Variants in EREG observed in about 807,000 individuals in gnomAD.
The protein encoded by EREG is epiregulin.
EREG carries 23 observed loss-of-function variants against 22.4 expected under a neutral mutation model. The observed-to-expected ratio is 1.03, with a 90% confidence interval of 0.74 to 1.46. The LOEUF is 1.46. Among genes scored for constraint, EREG ranks in the 40% most tolerant of loss-of-function variants. EREG has a pLI of 0.00. For synonymous variants in EREG, 100 were observed against 75.4 expected, an observed-to-expected ratio of 1.33 and a Z score of -1.69; for missense variants, 226 against 205.9, an observed-to-expected ratio of 1.10 and a Z score of -0.60.
At chr4:74,366,433 C>T (rs1752185684) in intron 1 of EREG, among the ~76,000 whole-genome samples, 1 of 152,110 alleles carries the variant, frequency 6.6e-6, no homozygotes, top group Admixed American at 6.5e-5. Flanking sequence ...TTGAAACTTA[C>T]AAGTCTAAGT....
intron 2 of EREG, 136 bp downstream of exon 2, chr4:74,379,670 A>G (rs1294343426): frequency 5.6e-6 from 3 of 534,232 alleles, no homozygotes; most frequent in Non-Finnish European, 1.0e-5. Flanking sequence ...TTAAATCACC[A>G]TATAAACTAA....
At chr4:74,367,574 A>G (rs868770073) in intron 1 of EREG, among the ~76,000 whole-genome samples, 8 of 152,208 alleles carry the variant, frequency 5.3e-5, no homozygotes, top group African/African-American at 1.9e-4. Flanking sequence ...CATCTCCAAG[A>G]TAATTTAGTC....
At chr4:74,371,286 T>G (rs1752285874) in intron 1 of EREG, among the ~76,000 whole-genome samples, 2 of 152,188 alleles carry the variant, frequency 1.3e-5, no homozygotes, top group Non-Finnish European at 1.5e-5. Flanking sequence ...TTAATTTTAA[T>G]GATAATCTGG....
At position 74,387,345 on chromosome 4, in the gene EREG, C is replaced by T. The variant is rs1306025340; in HGVS notation, c.*2537C>T. The T allele has an allele frequency of 1.3e-5, 2 of 151,914 alleles. No homozygotes were observed. The highest frequency in any genetic ancestry group is 2.4e-5 in the African/African-American group (1 of 41,354). 9.4% of individuals were successfully genotyped at this position (151,914 alleles called of 1,614,324 possible). On this transcript the variant is annotated 3_prime_UTR_variant, in exon 5 of 5. Coordinates refer to ENST00000244869, the MANE Select transcript of EREG (RefSeq NM_001432.3). ...TGGCTGTTTCAAAAAAATCTATTGA[C>T]TTTTCAATAAATCAGCTGCAATCCA...
intron 4 of EREG, 83 bp from the exon 5 acceptor site, chr4:74,384,644 G>A (rs1357601258): frequency 1.9e-5 from 13 of 667,990 alleles, no homozygotes; most frequent in Non-Finnish European, 3.2e-5. Context: ...CTATGCTAAT[G>A]TGCCTTTGGA....
chr4:74,374,564 G>T (rs1461683840), intron 1 of EREG, among the ~76,000 whole-genome samples: 1 of 152,128 alleles, frequency 6.6e-6, no homozygotes, highest in Non-Finnish European at 1.5e-5. Context: ...TAAAAATGAA[G>T]CAAGGTCAAA....
chr4:74,381,317 C>G (rs1478326057), intron 3 of EREG, 180 bp downstream of exon 3: 9 of 530,884 alleles, frequency 1.7e-5, no homozygotes, highest in South Asian at 1.0e-4. Context: ...CTTAACCCCC[C>G]CAAAACTCTT....
At chr4:74,381,311 A>C (rs1560599595) in intron 3 of EREG, 174 bp downstream of exon 3, 3 of 535,986 alleles carry the variant, frequency 5.6e-6, no homozygotes, top group South Asian at 2.5e-5. Context: ...TCATCCCTTA[A>C]CCCCCCCAAA....
intron 1 of EREG, among the ~76,000 whole-genome samples, chr4:74,375,977 T>C (rs1471068435): frequency 6.6e-6 from 1 of 152,222 alleles, no homozygotes; most frequent in Admixed American, 6.5e-5. Context: ...TCCTGAGCGA[T>C]GGACTGTGTC....
chr4:74,365,202 CT>C lies in EREG; in HGVS notation c.-106del. 5 of 838,914 alleles carry C rather than the reference CT, an allele frequency of 6.0e-6. No homozygotes were observed. In the South Asian group the frequency reaches 7.4e-5, roughly 12 times the overall value. 52.0% of individuals were successfully genotyped at this position (838,914 alleles called of 1,614,324 possible). On this transcript the variant is annotated 5_prime_UTR_variant, in exon 1 of 5. Transcript: ENST00000244869. ...CAGCCAACGTGGGGTCCCTTCTAGG[CT>C]GACAGCCGCTCTCCAGCCACTGCCG...
rs1202265074 is a variant in EREG at position 74,386,995 on chromosome 4, T to C, written c.*2187T>C. The stretch of plus-strand genomic sequence containing the variant: ...TAGTAGAGGCGGGGTTTCACCATGT[T>C]GGCCAGGATGGTCTCAATCTCCTAA... On this transcript the variant is annotated 3_prime_UTR_variant, in exon 5 of 5. Coordinates refer to ENST00000244869, the MANE Select transcript of EREG (RefSeq NM_001432.3). 2 of 152,216 alleles carry C rather than the reference T, an allele frequency of 1.3e-5. No individual in the cohort carries two copies. The highest frequency in any genetic ancestry group is 1.3e-4 in the Admixed American group (2 of 15,280). 9.4% of individuals were successfully genotyped at this position (152,216 alleles called of 1,614,324 possible).
chr4:74,369,256 G>A (rs1207161982), intron 1 of EREG, among the ~76,000 whole-genome samples: 1 of 151,962 alleles, frequency 6.6e-6, no homozygotes, highest in Non-Finnish European at 1.5e-5. Context: ...CCTGAGTAGT[G>A]TACATTGTAC....
At position 74,386,188 on chromosome 4, in the gene EREG, C is replaced by T. The variant is rs565853239; in HGVS notation, c.*1380C>T. Reference sequence around the variant, plus strand: ...TGGATTTTATGGGAGGCTCCTTCATCGAATGCTAAACCTTTGAGTAGAGTC... The same window carrying T: ...TGGATTTTATGGGAGGCTCCTTCATTGAATGCTAAACCTTTGAGTAGAGTC... On this transcript the variant is annotated 3_prime_UTR_variant, in exon 5 of 5. Coordinates refer to ENST00000244869, the MANE Select transcript of EREG (RefSeq NM_001432.3). 5.2e-6 allele frequency: 1 copy of T among 192,010 alleles called. No individual in the cohort carries two copies. Among genetic ancestry groups the T allele is most frequent in the South Asian group, 1.9e-4 (1 of 5,186 alleles). 11.9% of individuals were successfully genotyped at this position (192,010 alleles called of 1,614,324 possible).
Position 74,379,523 on chromosome 4 carries a change from G to A in EREG, c.143G>A (p.Cys48Tyr). 1 of 1,604,416 alleles carries A rather than the reference G, an allele frequency of 6.2e-7. No homozygotes were observed. The stretch of plus-strand genomic sequence containing the variant: ...ATCCCAGGAGAGTCCAGTGATAACT[G>A]CACAGCTTTAGGTAAGCCCAAGTTT... The part of the protein sequence containing the change: ...SCIPGESSDN[C>Y]TALVQTEDNP... Residue 48 changes from cysteine (C) to tyrosine (Y), a missense_variant, in exon 2 of 5, where the codon TGC becomes TAC. Physicochemically the swap from Cys to Tyr is radical, Grantham distance 194. Transcript: ENST00000244869.
At chr4:74,365,457 G>A in intron 1 of EREG, 82 bp downstream of exon 1, 12 of 1,145,990 alleles carry the variant, frequency 1.0e-5, no homozygotes, top group South Asian at 9.2e-5. Context: ...CATTCGACAA[G>A]TACGGAGTTG....
chr4:74,384,259 A>T (rs979259819), intron 4 of EREG, among the ~76,000 whole-genome samples: 1 of 152,176 alleles, frequency 6.6e-6, no homozygotes, highest in Non-Finnish European at 1.5e-5. Context: ...CACTTAGAAA[A>T]TTGTAGGTCA....
At chr4:74,383,794 G>A (rs1241707588) in intron 4 of EREG, among the ~76,000 whole-genome samples, 6 of 152,046 alleles carry the variant, frequency 3.9e-5, no homozygotes, top group Non-Finnish European at 8.8e-5. Context: ...AAATAATAAT[G>A]CCTTCCTAAT....
intron 1 of EREG, among the ~76,000 whole-genome samples, chr4:74,375,891 A>G (rs573390166): frequency 6.6e-6 from 1 of 152,328 alleles, no homozygotes; most frequent in East Asian, 1.9e-4. Context: ...TTTGAAAGGA[A>G]CATTTAAAAT....
rs191105830 is a variant in EREG at position 74,382,970 on chromosome 4, A to G, written c.428+176A>G. On this transcript the variant is annotated intron_variant, in intron 4 of 4. Transcript: ENST00000244869. The stretch of plus-strand genomic sequence containing the variant: ...TTATGCCCAACACCTGAGTGATGGG[A>G]TCAGCTGTACCCCTAATCTCAGCAT... Among the ~76,000 whole-genome samples, 1,647 of 152,326 alleles carry G rather than the reference A, an allele frequency of 0.011. 12 individuals are homozygous for G. The highest frequency in any genetic ancestry group is 0.02 in the Middle Eastern group (6 of 294).
Sources: allele counts gnomAD v4.1 joint callset (sites outside exome capture counted in the v4.1 genomes callset), GRCh38; gene constraint gnomAD v4.1.1; transcripts MANE v1.5; gene names NCBI Gene and HGNC (gene_info 2026-07-23, HGNC 2026-07-21).